DNAJC11: variants seen among roughly 807,000 people sequenced by gnomAD.
DNAJC11 encodes DnaJ heat shock protein family (Hsp40) member C11.
In DNAJC11, 15 loss-of-function variants were observed where a neutral mutation model predicts 78.6. That is an observed-to-expected ratio of 0.19 (90% CI 0.13 to 0.29). DNAJC11 has a LOEUF of 0.29. Among genes scored for constraint, DNAJC11 ranks in the 10% least tolerant of loss-of-function variants. The pLI is 1.00. For missense variants in DNAJC11, 547 were observed against 709.6 expected (o/e 0.77, Z 2.60); for synonymous variants, 292 against 272.1 (o/e 1.07, Z -0.72).
At position 6,635,720 on chromosome 1, in the gene DNAJC11, C is replaced by T. The variant is rs373177584; in HGVS notation, c.1655-20G>A. 22 of 1,614,066 alleles carry T rather than the reference C, an allele frequency of 1.4e-5. No individual in the cohort carries two copies. Among genetic ancestry groups the T allele is most frequent in the East Asian group, 1.1e-4 (5 of 44,876 alleles). ...TGTGGGCTGTAAAGGAAAAGACAGA[C>T]GCAGGTGATCAGAAGGTGGCCATTC... On this transcript the variant is annotated intron_variant, in intron 15 of 15. Coordinates refer to ENST00000377577, the MANE Select transcript of DNAJC11 (RefSeq NM_018198.4).
At chr1:6,644,418 G>A in intron 10 of DNAJC11, 140 bp downstream of exon 10, 1 of 698,266 alleles carries the variant, frequency 1.4e-6, no homozygotes, top group Non-Finnish European at 2.5e-6. Context: ...ACAGGCATAA[G>A]CCACTGCACC....
intron 4 of DNAJC11, among the ~76,000 whole-genome samples, chr1:6,666,706 C>G (rs1642300189): frequency 6.6e-6 from 1 of 152,136 alleles, no homozygotes; most frequent in African/African-American, 2.4e-5. Flanking sequence ...CCGGCCTATT[C>G]TATTCCTTTA....
Position 6,637,278 on chromosome 1 carries a change from T to C in DNAJC11, c.1444A>G (p.Lys482Glu), listed in dbSNP as rs1278942798. The C allele has an allele frequency of 6.2e-7, 1 of 1,614,116 alleles. No homozygotes were observed. Among genetic ancestry groups the C allele is most frequent in the Non-Finnish European group, 8.5e-7 (1 of 1,180,016 alleles). Residue 482 changes from lysine (K) to glutamate (E), a missense_variant, in exon 14 of 16, where the codon AAG becomes GAG. By Grantham distance (56) the Lys-to-Glu change is moderately conservative. Coordinates refer to ENST00000377577, the MANE Select transcript of DNAJC11 (RefSeq NM_018198.4). ...FVNDKSRKSE[K>E]VKVIDVTVPL... is the part of the protein sequence containing the mutation. ...ACAGTCACGTCAATCACCTTCACCT[T>C]CTCGCTCTTCCTGCTCTTGTCATTG...
chr1:6,665,870 C>G (rs1164106210), intron 4 of DNAJC11, among the ~76,000 whole-genome samples: 2 of 151,950 alleles, frequency 1.3e-5, no homozygotes, highest in African/African-American at 4.9e-5. Context: ...CCCATCCCAC[C>G]TCCATCTGCC....
At position 6,635,184 on chromosome 1, in the gene DNAJC11, A is replaced by G. The variant is rs10523; in HGVS notation, c.*491T>C. ...AGATTCAAGCAGTAATATTTCAGCA[A>G]GAGGAGGTGGTCATGGGAAGCCAGC... On this transcript the variant is annotated 3_prime_UTR_variant, in exon 16 of 16. Transcript: ENST00000377577. 113,171 of 167,446 alleles carry G rather than the reference A, an allele frequency of 0.68. 38,689 individuals carry two copies. Among genetic ancestry groups the G allele is most frequent in the Middle Eastern group, 0.8 (248 of 310 alleles). 10.4% of individuals were successfully genotyped at this position (167,446 alleles called of 1,614,324 possible). A position where few individuals can be genotyped will look rare whatever the true frequency, so the allele number is the denominator to read the frequency against.
At chr1:6,651,012 C>T (rs375760465) in intron 7 of DNAJC11, 33 of 531,062 alleles carry the variant, frequency 6.2e-5, no homozygotes, top group Non-Finnish European at 1.2e-4. Context: ...CATCACTGCA[C>T]CCACCATATA....
intron 7 of DNAJC11, among the ~76,000 whole-genome samples, chr1:6,649,014 T>A (rs1462696356): frequency 6.6e-6 from 1 of 151,948 alleles, no homozygotes; most frequent in Non-Finnish European, 1.5e-5. Flanking sequence ...TTTTTCTCGG[T>A]GGCAGTCTTG....
chr1:6,667,438 T>C (rs1025698488), intron 4 of DNAJC11, among the ~76,000 whole-genome samples: 1 of 151,990 alleles, frequency 6.6e-6, no homozygotes, highest in African/African-American at 2.4e-5. Context: ...TTGGCGAAAC[T>C]CCCAGACTTC....
chr1:6,670,492 TAAAA>T (rs200398981), intron 3 of DNAJC11: 1 of 150,382 alleles, frequency 6.6e-6, no homozygotes, highest in African/African-American at 2.4e-5. Context: ...TTTCAACAAA[TAAAA>T]AAAAATACAA....
intron 10 of DNAJC11, among the ~76,000 whole-genome samples, chr1:6,642,649 G>A (rs1641895208): frequency 6.6e-6 from 1 of 152,014 alleles, no homozygotes; most frequent in Non-Finnish European, 1.5e-5. Context: ...AAACCAACCT[G>A]GGCAACCAAG....
chr1:6,669,244 T>C (rs1201104346), intron 3 of DNAJC11, among the ~76,000 whole-genome samples: 3 of 151,304 alleles, frequency 2.0e-5, no homozygotes, highest in African/African-American at 7.3e-5. Context: ...GCGCAGTGAC[T>C]CACACCTGTA....
Position 6,669,513 on chromosome 1 carries a change from T to TAGAAAAGAAAAGAAAAGAAA in DNAJC11, c.277-1723_277-1704dup, listed in dbSNP as rs60740818. 3.0e-3 allele frequency among the ~76,000 whole-genome samples: 364 copies of TAGAAAAGAAAAGAAAAGAAA among 121,842 alleles called. 2 individuals are homozygous for TAGAAAAGAAAAGAAAAGAAA. Among genetic ancestry groups the TAGAAAAGAAAAGAAAAGAAA allele is most frequent in the Non-Finnish European group, 4.2e-3 (250 of 59,014 alleles). 79.9% of individuals were successfully genotyped at this position (121,842 alleles called of 152,430 possible). Reference sequence around the variant, plus strand: ...GCAACATGAGCAAGAAACTCTGTCTTAGAAAAGAAAAGAAAAGAAAAGAAA... The same window carrying TAGAAAAGAAAAGAAAAGAAA: ...GCAACATGAGCAAGAAACTCTGTCTTAGAAAAGAAAAGAAAAGAAAAGAAAAGAAAAGAAAAGAAAAGAAA... On this transcript the variant is annotated intron_variant, in intron 3 of 15. Transcript: ENST00000377577.
intron 3 of DNAJC11, among the ~76,000 whole-genome samples, chr1:6,674,342 T>A (rs1642427238): frequency 6.6e-6 from 1 of 151,974 alleles, no homozygotes; most frequent in African/African-American, 2.4e-5. Flanking sequence ...AGGAGGATCA[T>A]CTGAGGTCAG....
chr1:6,637,474 T>C lies in DNAJC11; in HGVS notation c.1354A>G (p.Ile452Val). 2.5e-6 allele frequency: 4 copies of C among 1,614,154 alleles called. No homozygotes were observed. The highest frequency in any genetic ancestry group is 3.4e-6 in the Non-Finnish European group (4 of 1,180,022). Residue 452 changes from isoleucine to valine, a missense_variant, in exon 13 of 16, where the codon ATA (isoleucine) becomes GTA (valine). Physicochemically the swap from Ile to Val is conservative, Grantham distance 29. Coordinates refer to ENST00000377577, the MANE Select transcript of DNAJC11 (RefSeq NM_018198.4). ...VRLMQESVRR[I>V]IEAEESRMGL... ...ATTCTGGACTCTTCTGCCTCAATTA[T>C]CCTTCGGACAGATTCCTGCATCAGC...
At position 6,634,362 on chromosome 1, in the gene DNAJC11, T is replaced by A; in HGVS notation, c.*1313A>T. The A allele has an allele frequency of 3.6e-6, 4 of 1,115,360 alleles. No individual in the cohort carries two copies. The highest frequency in any genetic ancestry group is 3.6e-6 in the Non-Finnish European group (3 of 834,858). 69.1% of individuals were successfully genotyped at this position (1,115,360 alleles called of 1,614,324 possible). ...GAGAAACCTTTTTAAAAAATGGAGA[T>A]GAATGTTACAGAATTGGACAACCCG... On this transcript the variant is annotated 3_prime_UTR_variant, in exon 16 of 16. Coordinates refer to ENST00000377577, the MANE Select transcript of DNAJC11 (RefSeq NM_018198.4).
chr1:6,649,434 G>A (rs1489816929), intron 7 of DNAJC11, among the ~76,000 whole-genome samples: 1 of 152,166 alleles, frequency 6.6e-6, no homozygotes, highest in Non-Finnish European at 1.5e-5. Context: ...CTCCTAAAGT[G>A]CTGGGATTAG....
intron 3 of DNAJC11, 109 bp from the exon 4 acceptor site, chr1:6,667,919 C>T (rs900291809): frequency 9.3e-6 from 9 of 971,898 alleles, no homozygotes; most frequent in South Asian, 2.8e-5. Flanking sequence ...GCCTGGGGTC[C>T]GGCCACAGCC....
At chr1:6,639,435 T>C (rs1641839899) in intron 11 of DNAJC11, among the ~76,000 whole-genome samples, 1 of 151,152 alleles carries the variant, frequency 6.6e-6, no homozygotes, top group Non-Finnish European at 1.5e-5. Context: ...GTTCAAGCAA[T>C]TCTCCTGTCT....
chr1:6,651,508 G>A (rs754232537), intron 7 of DNAJC11, 21 bp downstream of exon 7: 1 of 1,608,364 alleles, frequency 6.2e-7, no homozygotes, highest in Non-Finnish European at 8.5e-7. Flanking sequence ...CCAAAGAGGA[G>A]CTGCTGTCTC....
Sources: allele counts gnomAD v4.1 joint callset (sites outside exome capture counted in the v4.1 genomes callset), GRCh38; gene constraint gnomAD v4.1.1; transcripts MANE v1.5; gene names NCBI Gene and HGNC (gene_info 2026-07-23, HGNC 2026-07-21).